The following CATSPERB variants were observed in gnomAD, a reference collection of about 807,000 sequenced individuals.
CATSPERB encodes catsper channel auxiliary subunit beta, also known as cation channel sperm-associated auxiliary subunit beta.
In CATSPERB, 93 loss-of-function variants were observed where a neutral mutation model predicts 128.3. That is an observed-to-expected ratio of 0.72 (90% confidence interval 0.61 to 0.86). CATSPERB has a LOEUF of 0.86. CATSPERB is among the 40% of genes least tolerant of loss of function. The probability of loss-of-function intolerance (pLI) is 0.00; values close to 1 mark genes in which losing one functional copy is unlikely to be tolerated. For synonymous variants in CATSPERB, 381 were observed against 448.8 expected (o/e 0.85, Z 1.91); for missense variants, 1,153 against 1,329.5 (o/e 0.87, Z 2.06).
Position 91,591,914 on chromosome 14 carries a change from G to A in CATSPERB, c.2798C>T (p.Ala933Val). ...TKDQKFSHAV[A>V]FSDCREKVPR... ...TACTTTTTCCCTGCAATCCGAGAAA[G>A]CAACAGCATGTGAAAACTTCTGATC... is the stretch of plus-strand genomic sequence containing the variant. The change falls in exon 23 of 27, where the codon GCT becomes GTT. Residue 933 changes from alanine (A) to valine (V), a missense_variant. Transcript: ENST00000256343. The A allele has an allele frequency of 6.2e-7, 1 of 1,612,912 alleles. No individual in the cohort carries two copies. The highest frequency in any genetic ancestry group is 1.1e-5 in the South Asian group (1 of 91,050).
At chr14:91,678,894 G>A (rs1006952863) in intron 11 of CATSPERB, among the ~76,000 whole-genome samples, 4 of 152,120 alleles carry the variant, frequency 2.6e-5, no homozygotes, top group South Asian at 2.1e-4. Context: ...AAATGCCCAT[G>A]TGTTTAACTT....
At chr14:91,673,432 G>A (rs1225896244) in intron 12 of CATSPERB, among the ~76,000 whole-genome samples, 3 of 152,170 alleles carry the variant, frequency 2.0e-5, no homozygotes, top group African/African-American at 7.2e-5. Context: ...TGCAGCACCT[G>A]ATTAAAGCCT....
intron 22 of CATSPERB, chr14:91,603,450 A>G (rs1893642594): frequency 5.3e-6 from 8 of 1,512,588 alleles, no homozygotes; most frequent in Non-Finnish European, 7.3e-6. Context: ...TAGTTATACC[A>G]GATGAGTGGG....
At chr14:91,693,721 T>A (rs530044489) in intron 7 of CATSPERB, among the ~76,000 whole-genome samples, 2 of 152,244 alleles carry the variant, frequency 1.3e-5, no homozygotes, top group Non-Finnish European at 2.9e-5. Context: ...CTTAAGGTAT[T>A]GGTTCATTCT....
chr14:91,624,755 CT>C (rs1280989866), intron 18 of CATSPERB, 64 bp downstream of exon 18: 11 of 1,241,898 alleles, frequency 8.9e-6, no homozygotes, highest in Non-Finnish European at 1.2e-5. Context: ...ATTAAAATGC[CT>C]TCACAAAAGA....
intron 11 of CATSPERB, among the ~76,000 whole-genome samples, chr14:91,678,340 T>C (rs1895226340): frequency 6.6e-6 from 1 of 152,226 alleles, no homozygotes; most frequent in Non-Finnish European, 1.5e-5. Context: ...AGTTCAGCCA[T>C]GTGAACAGAT....
intron 17 of CATSPERB, among the ~76,000 whole-genome samples, chr14:91,628,048 C>G (rs1182163766): frequency 6.6e-6 from 1 of 152,194 alleles, no homozygotes; most frequent in African/African-American, 2.4e-5. Context: ...TCTGCCCTTT[C>G]TGGTGGGAGG....
chr14:91,597,877 T>A (rs1451493528), intron 22 of CATSPERB, among the ~76,000 whole-genome samples: 1 of 152,180 alleles, frequency 6.6e-6, no homozygotes, highest in Non-Finnish European at 1.5e-5. Context: ...TAAAAGCACA[T>A]ACAGGAAGAT....
chr14:91,659,765 G>A lies in CATSPERB; in HGVS notation c.1432+72C>T, dbSNP rs1294263688. 26 of 1,407,216 alleles carry A rather than the reference G, an allele frequency of 1.8e-5. No individual in the cohort carries two copies. The East Asian group carries it at 1.9e-4, about 10-fold the overall frequency. The allele number at this position is 1,407,216 out of a possible 1,614,324, so 87.2% of individuals were successfully genotyped here. A position where few individuals can be genotyped will look rare whatever the true frequency, so the allele number is the denominator to read the frequency against. On this transcript the variant is annotated intron_variant, in intron 15 of 26. Transcript: ENST00000256343. ...GGTCTTAGGATTAGTTGATTAATAC[G>A]GCAGGTTTTTCATATATCTTCTAAT...
chr14:91,636,952 C>T (rs1357187023), intron 16 of CATSPERB, among the ~76,000 whole-genome samples: 1 of 152,152 alleles, frequency 6.6e-6, no homozygotes, highest in Non-Finnish European at 1.5e-5. Flanking sequence ...CCCGTGAAAT[C>T]CCTGTCCTCA....
intron 10 of CATSPERB, among the ~76,000 whole-genome samples, chr14:91,684,523 T>G (rs1765022663): frequency 6.6e-6 from 1 of 151,964 alleles, no homozygotes; most frequent in African/African-American, 2.4e-5. Context: ...TTTTATAGAC[T>G]AATAATAAAA....
intron 11 of CATSPERB, among the ~76,000 whole-genome samples, chr14:91,681,065 CAT>C (rs1200745692): frequency 2.6e-5 from 4 of 152,168 alleles, no homozygotes; most frequent in African/African-American, 9.7e-5. Context: ...TAAACGGAGT[CAT>C]ATGTTATATG....
rs919124165 is a variant in CATSPERB, at chr14:91,684,684, G to A, written c.865-741C>T. ...GGCTGGAGTGCAGTAGCACAATTTC[G>A]GCTCACTACAAACTCCACCTCTCAG... On this transcript the variant is annotated intron_variant, in intron 10 of 26. Coordinates refer to ENST00000256343, the MANE Select transcript of CATSPERB (RefSeq NM_024764.4). Among the ~76,000 whole-genome samples the A allele has an allele frequency of 4.8e-5, 7 of 146,684 alleles. 1 individual carries two copies. The South Asian group carries it at 6.5e-4, about 14-fold the overall frequency.
chr14:91,610,797 G>T, intron 20 of CATSPERB, 120 bp from the exon 21 acceptor site: 1 of 909,444 alleles, frequency 1.1e-6, no homozygotes, highest in Non-Finnish European at 1.7e-6. Flanking sequence ...GGCTGTATTT[G>T]GAGATAGGGC....
Position 91,583,553 on chromosome 14 carries a change from A to G in CATSPERB, c.3133-2446T>C, listed in dbSNP as rs138029693. Among the ~76,000 whole-genome samples, 773 of 152,312 alleles carry G rather than the reference A, an allele frequency of 5.1e-3. 4 individuals are homozygous for G. The highest frequency in any genetic ancestry group is 8.8e-3 in the Non-Finnish European group (602 of 68,030). On this transcript the variant is annotated intron_variant, in intron 26 of 26. Transcript: ENST00000256343. ...AGTTCTGAAAAACACTTTTTCTTCAAATGTTTCCCTTCTAATCTTCTTCAA... is the reference window on the plus strand; with the variant it reads ...AGTTCTGAAAAACACTTTTTCTTCAGATGTTTCCCTTCTAATCTTCTTCAA...
At chr14:91,729,146 T>C (rs1212752365) in intron 2 of CATSPERB, among the ~76,000 whole-genome samples, 1 of 152,152 alleles carries the variant, frequency 6.6e-6, no homozygotes, top group Non-Finnish European at 1.5e-5. Context: ...AAGACCAGCC[T>C]GGCCAAGATG....
In CATSPERB at chr14:91,610,505, C is replaced by A; in HGVS notation, c.2573G>T (p.Gly858Val). 6.2e-7 allele frequency: 1 copy of A among 1,613,624 alleles called. No homozygotes were observed. The highest frequency in any genetic ancestry group is 8.5e-7 in the Non-Finnish European group (1 of 1,179,976). Residue 858 changes from glycine to valine, a missense_variant, in exon 21 of 27, where the codon GGT (glycine) becomes GTT (valine). Transcript: ENST00000256343. Reference protein sequence around the residue: ...WISGVHKDSQGFNLIKTLPIN... With the variant: ...WISGVHKDSQVFNLIKTLPIN... ...CGGCAAAGTTTTGATGAGGTTAAAA[C>A]CCTGACTGTCTTTATGAACTCCACT...
intron 14 of CATSPERB, among the ~76,000 whole-genome samples, chr14:91,661,321 A>G (rs1362168742): frequency 1.3e-5 from 2 of 151,990 alleles, no homozygotes; most frequent in Non-Finnish European, 1.5e-5. Flanking sequence ...ACACTGTCCT[A>G]TAGTCTCCAA....
chr14:91,720,704 T>C (rs181236456), intron 4 of CATSPERB, among the ~76,000 whole-genome samples: 115 of 152,302 alleles, frequency 7.6e-4, no homozygotes, highest in South Asian at 1.7e-3. Context: ...GAATCCCAGA[T>C]GGCTACTTTG....
Sources: allele counts gnomAD v4.1 joint callset (sites outside exome capture counted in the v4.1 genomes callset), GRCh38; gene constraint gnomAD v4.1.1; transcripts MANE v1.5; gene names NCBI Gene and HGNC (gene_info 2026-07-23, HGNC 2026-07-21).